The following NEXMIF variants were observed in gnomAD, a reference collection of about 807,000 sequenced individuals.
The protein encoded by NEXMIF is neurite extension and migration factor.
In NEXMIF, 8 loss-of-function variants were observed where a neutral mutation model predicts 62.1. The ratio of observed to expected loss-of-function variants is 0.13; its 90% confidence interval spans 0.08 to 0.23. The LOEUF is 0.23. Among genes scored for constraint, NEXMIF ranks in the 10% least tolerant of loss-of-function variants. The pLI is 1.00. For synonymous variants in NEXMIF, 404 were observed against 416.6 expected (o/e 0.97, Z 0.37); for missense variants, 976 against 1,113.3 (o/e 0.88, Z 1.75).
At chrX:74,806,729 T>C (rs1283238297) in intron 1 of NEXMIF, among the ~76,000 whole-genome samples, 1 of 112,859 alleles carries the variant, frequency 8.9e-6, no homozygotes, top group Non-Finnish European at 1.9e-5. Context: ...ATACTTTTTA[T>C]GTTAATTTTT....
intron 1 of NEXMIF, among the ~76,000 whole-genome samples, chrX:74,847,388 G>T (rs1194563120): frequency 1.8e-5 from 2 of 111,899 alleles, no homozygotes. Context: ...ATACATATAA[G>T]CATTCTACTT....
intron 1 of NEXMIF, among the ~76,000 whole-genome samples, chrX:74,897,891 C>T (rs1193335893): frequency 2.7e-5 from 3 of 111,912 alleles, no homozygotes; most frequent in Admixed American, 9.5e-5. Flanking sequence ...ATTTGAGAAA[C>T]AAAATAAAGC....
At position 74,742,125 on chromosome X, in the gene NEXMIF, G is replaced by A. The variant is rs750889767; in HGVS notation, c.2432C>T (p.Pro811Leu). Reference sequence around the variant, plus strand: ...TAACAATGTCTGCAGATACCCTCCCGGGATAACAGGTATATTAGTGGTAAC... The same window carrying A: ...TAACAATGTCTGCAGATACCCTCCCAGGATAACAGGTATATTAGTGGTAAC... ...ANVTTNIPVIPGGYLQTLLDA... is the reference protein window; with the variant it reads ...ANVTTNIPVILGGYLQTLLDA... Residue 811 changes from proline (P) to leucine (L), a missense_variant, in exon 3 of 4, where the codon CCG becomes CTG. By Grantham distance (98) the Pro-to-Leu change is moderately conservative. Around this residue, in one of 5 missense-constraint regions of NEXMIF, gnomAD observed 639 missense variants for 694.5 expected, o/e 0.92. Coordinates refer to ENST00000055682, the MANE Select transcript of NEXMIF (RefSeq NM_001008537.3). 2.0e-5 allele frequency: 24 copies of A among 1,208,334 alleles called. No individual in the cohort carries two copies. In the South Asian group the frequency reaches 2.5e-4, roughly 12 times the overall value.
At chrX:74,906,754 A>T (rs6647574) in intron 1 of NEXMIF, among the ~76,000 whole-genome samples, 16,070 of 110,245 alleles carry the variant, frequency 0.15, 1,782 homozygotes, top group East Asian at 0.9. Context: ...ACAAAAGCTG[A>T]ACTTGCTGAA....
rs2080744877 is a variant in NEXMIF at position 74,900,226 on chromosome X, A to G, written c.-48+24657T>C. Among the ~76,000 whole-genome samples, 5 of 110,836 alleles carry G rather than the reference A, an allele frequency of 4.5e-5. No individual in the cohort carries two copies. In the Admixed American group the frequency reaches 4.8e-4, roughly 11 times the overall value. Reference sequence around the variant, plus strand: ...ACGCCTGTAATCCCAGCACTTTGGGAGGGTGAGGCAGGCGGATCACGAGGT... The same window carrying G: ...ACGCCTGTAATCCCAGCACTTTGGGGGGGTGAGGCAGGCGGATCACGAGGT... On this transcript the variant is annotated intron_variant, in intron 1 of 3. Coordinates refer to ENST00000055682, the MANE Select transcript of NEXMIF (RefSeq NM_001008537.3).
At chrX:74,805,216 G>C (rs755449779) in intron 1 of NEXMIF, among the ~76,000 whole-genome samples, 12 of 111,712 alleles carry the variant, frequency 1.1e-4, no homozygotes, top group Non-Finnish European at 2.1e-4. Context: ...GTGAGTGCTC[G>C]CCGGATTTTT....
At chrX:74,924,271 G>T (rs930259931) in intron 1 of NEXMIF, among the ~76,000 whole-genome samples, 25 of 112,005 alleles carry the variant, frequency 2.2e-4, no homozygotes, top group Non-Finnish European at 4.5e-4. Context: ...GACCGCCACC[G>T]AGAGCGCGAA....
At chrX:74,797,959 G>A (rs1419666772) in intron 1 of NEXMIF, among the ~76,000 whole-genome samples, 2 of 112,340 alleles carry the variant, frequency 1.8e-5, no homozygotes. Flanking sequence ...TGAGGGCAAC[G>A]TGAAAGCCAA....
chrX:74,799,123 C>G (rs994243346), intron 1 of NEXMIF, among the ~76,000 whole-genome samples: 2 of 111,357 alleles, frequency 1.8e-5, no homozygotes, highest in Non-Finnish European at 3.8e-5. Context: ...CCTCAGCCTC[C>G]CAAAGTGCTG....
At position 74,737,887 on chromosome X, in the gene NEXMIF, A is replaced by G. The variant is rs2080089649; in HGVS notation, c.*1518T>C. The G allele has an allele frequency of 9.0e-6, 1 of 111,584 alleles. No individual in the cohort carries two copies. The highest frequency in any genetic ancestry group is 3.3e-5 in the African/African-American group (1 of 30,609). 9.2% of individuals were successfully genotyped at this position (111,584 alleles called of 1,213,427 possible). On this transcript the variant is annotated 3_prime_UTR_variant, in exon 4 of 4. Transcript: ENST00000055682. ...GGTTAGTAACAATATTAATAAGAAT[A>G]GTAACAACGACAACAACTAACAATA... is the stretch of plus-strand genomic sequence containing the variant.
At chrX:74,891,039 G>A (rs1051500215) in intron 1 of NEXMIF, among the ~76,000 whole-genome samples, 3 of 111,990 alleles carry the variant, frequency 2.7e-5, no homozygotes, top group African/African-American at 9.7e-5. Context: ...GAGGAGAAAA[G>A]GGAGCGAGGA....
At chrX:74,863,385 C>T (rs1269851714) in intron 1 of NEXMIF, among the ~76,000 whole-genome samples, 1 of 110,933 alleles carries the variant, frequency 9.0e-6, no homozygotes, top group African/African-American at 3.3e-5. Context: ...AGACCTCTAG[C>T]TAGACTAATG....
intron 1 of NEXMIF, among the ~76,000 whole-genome samples, chrX:74,876,867 T>C (rs1315989110): frequency 9.1e-6 from 1 of 109,524 alleles, no homozygotes; most frequent in Non-Finnish European, 1.9e-5. Flanking sequence ...CATCCTTTTA[T>C]TTTGAGCCTA....
At chrX:74,834,879 T>C (rs1470815282) in intron 1 of NEXMIF, among the ~76,000 whole-genome samples, 1 of 111,883 alleles carries the variant, frequency 8.9e-6, no homozygotes, top group Non-Finnish European at 1.9e-5. Flanking sequence ...ATTATCCCCC[T>C]GAATAAAATT....
intron 1 of NEXMIF, among the ~76,000 whole-genome samples, chrX:74,779,544 C>A (rs1482852802): frequency 9.0e-6 from 1 of 111,530 alleles, no homozygotes; most frequent in Non-Finnish European, 1.9e-5. Flanking sequence ...CCTCAGCAGT[C>A]TTACGTGGCA....
At position 74,743,030 on chromosome X, in the gene NEXMIF, T is replaced by C. The variant is rs770157505; in HGVS notation, c.1527A>G (p.Glu509=). 58 of 1,208,705 alleles carry C rather than the reference T, an allele frequency of 4.8e-5. No homozygotes were observed. The highest frequency in any genetic ancestry group is 5.4e-5 in the Non-Finnish European group (48 of 894,551). The change falls in exon 3 of 4, where the codon GAA becomes GAG. Residue 509 remains glutamate, a synonymous_variant. Transcript: ENST00000055682. ...LEGEKVNERK[E]WLPVGSKEED... ...CCTCTTTGGAACCAACTGGCAGCCA[T>C]TCCTTCCTCTCATTTACTTTTTCAC...
At chrX:74,924,058 C>G (rs2080835153) in intron 1 of NEXMIF, among the ~76,000 whole-genome samples, 1 of 112,031 alleles carries the variant, frequency 8.9e-6, no homozygotes, top group Non-Finnish European at 1.9e-5. Flanking sequence ...CAGACAGAAG[C>G]AGTCATGCTG....
chrX:74,841,350 T>C (rs1198280355), intron 1 of NEXMIF, among the ~76,000 whole-genome samples: 1 of 112,163 alleles, frequency 8.9e-6, no homozygotes, highest in African/African-American at 3.2e-5. Context: ...TTTGTTGAAG[T>C]TGTTTATCAG....
chrX:74,887,292 T>C (rs1441407068), intron 1 of NEXMIF, among the ~76,000 whole-genome samples: 1 of 110,401 alleles, frequency 9.1e-6, no homozygotes, highest in Non-Finnish European at 1.9e-5. Flanking sequence ...AAGCCAAAAT[T>C]GACAAATGGG....
Sources: allele counts gnomAD v4.1 joint callset (sites outside exome capture counted in the v4.1 genomes callset), GRCh38; gene constraint gnomAD v4.1.1; regional missense constraint gnomAD v4.1.1; transcripts MANE v1.5; gene names NCBI Gene and HGNC (gene_info 2026-07-23, HGNC 2026-07-21).